The following PTCHD4 variants were observed in gnomAD, a reference collection of about 807,000 sequenced individuals.
PTCHD4 encodes patched domain containing 4, also known as patched domain-containing protein 4.
PTCHD4 carries 33 observed loss-of-function variants against 58.1 expected under a neutral mutation model. The ratio of observed to expected loss-of-function variants is 0.57; its 90% CI spans 0.43 to 0.76. The LOEUF (loss-of-function observed/expected upper bound fraction) is 0.76, where lower values mean the gene tolerates loss of function less well. Ranked by LOEUF, PTCHD4 falls within the 30% of genes least tolerant of loss-of-function variation. The pLI, the probability that PTCHD4 is intolerant of heterozygous loss-of-function variation, is 0.00. For synonymous variants in PTCHD4, 478 were observed against 409.6 expected (o/e 1.17, Z -2.02); for missense variants, 1,058 against 1,027.1 (o/e 1.03, Z -0.41).
At chr6:48,105,910 A>T (rs181898128) in intron 1 of PTCHD4, among the ~76,000 whole-genome samples, 1 of 152,210 alleles carries the variant, frequency 6.6e-6, no homozygotes, top group South Asian at 2.1e-4. Context: ...GAAGAAGTTG[A>T]ATCTCTGAAG....
chr6:48,036,770 CT>C (rs1763652860), intron 3 of PTCHD4, among the ~76,000 whole-genome samples: 2 of 152,080 alleles, frequency 1.3e-5, no homozygotes, highest in African/African-American at 4.8e-5. Flanking sequence ...ATGCTAAGGT[CT>C]CTAAGATCTA....
chr6:48,069,178 GC>G lies in PTCHD4; in HGVS notation c.-222del, dbSNP rs1764919194. 8.3e-6 allele frequency among the ~76,000 whole-genome samples: 1 copy of G among 121,182 alleles called. No homozygotes were observed. Among genetic ancestry groups the G allele is most frequent in the African/African-American group, 3.2e-5 (1 of 31,628 alleles). The allele number at this position is 121,182 out of a possible 152,430, so 79.5% of individuals were successfully genotyped here. On this transcript the variant is annotated 5_prime_UTR_variant, in exon 2 of 5. An upstream open reading frame in the 5' UTR loses its in-frame stop. Coordinates refer to ENST00000339488, the MANE Select transcript of PTCHD4 (RefSeq NM_001384253.1). ...TGAGGGGGGGAGAGGAGGGAGAAGG[GC>G]GGGAGCACGTTGGGGGTGGGGGGGC...
At chr6:48,049,286 C>T (rs1406831103) in intron 3 of PTCHD4, among the ~76,000 whole-genome samples, 1 of 151,462 alleles carries the variant, frequency 6.6e-6, no homozygotes, top group Non-Finnish European at 1.5e-5. Flanking sequence ...AATCATCTGG[C>T]CCCAAATAGT....
intron 3 of PTCHD4, among the ~76,000 whole-genome samples, chr6:48,043,425 G>GT (rs967591218): frequency 2.9e-4 from 44 of 151,574 alleles, no homozygotes; most frequent in Non-Finnish European, 5.9e-5. Context: ...GAAAGGCAGC[G>GT]TTTTTTTGAC....
At chr6:48,036,357 A>T (rs575039119) in intron 3 of PTCHD4, among the ~76,000 whole-genome samples, 11 of 152,238 alleles carry the variant, frequency 7.2e-5, no homozygotes, top group African/African-American at 2.4e-4. Flanking sequence ...ACAGTTTCAC[A>T]TTGTGCAGTT....
intron 1 of PTCHD4, among the ~76,000 whole-genome samples, chr6:48,096,576 C>T (rs985384540): frequency 2.0e-5 from 3 of 148,298 alleles, no homozygotes; most frequent in African/African-American, 5.0e-5. Context: ...GGTGCCACTG[C>T]ACTCCAGCCT....
chr6:47,919,926 A>C (rs909665877), intron 4 of PTCHD4, among the ~76,000 whole-genome samples: 3 of 152,080 alleles, frequency 2.0e-5, no homozygotes, highest in Admixed American at 2.0e-4. Context: ...GTGGGTGGAA[A>C]TGAGGGAGGC....
chr6:48,106,888 T>C (rs1765739339), intron 1 of PTCHD4, among the ~76,000 whole-genome samples: 1 of 152,076 alleles, frequency 6.6e-6, no homozygotes, highest in African/African-American at 2.4e-5. Flanking sequence ...GAATCCAACT[T>C]ACAAGGGGCA....
At chr6:48,005,344 C>T (rs1762393855) in intron 4 of PTCHD4, among the ~76,000 whole-genome samples, 1 of 152,122 alleles carries the variant, frequency 6.6e-6, no homozygotes, top group Non-Finnish European at 1.5e-5. Context: ...TAAATATTCA[C>T]TATCTCAAAG....
At chr6:48,037,330 A>G (rs1297636312) in intron 3 of PTCHD4, among the ~76,000 whole-genome samples, 1 of 152,186 alleles carries the variant, frequency 6.6e-6, no homozygotes, top group Non-Finnish European at 1.5e-5. Flanking sequence ...AAAAAACAGT[A>G]TATACAGGGT....
Position 47,945,096 on chromosome 6 carries a change from T to C in PTCHD4, c.898+63538A>G, listed in dbSNP as rs73736812. Among the ~76,000 whole-genome samples the C allele has an allele frequency of 7.5e-3, 1,146 of 152,182 alleles. 7 individuals carry two copies. Among genetic ancestry groups the C allele is most frequent in the Middle Eastern group, 0.024 (7 of 294 alleles). On this transcript the variant is annotated intron_variant, in intron 4 of 4. Coordinates refer to ENST00000339488, the MANE Select transcript of PTCHD4 (RefSeq NM_001384253.1). ...CAAAGCAATGACATACGATGGGTAA[T>C]TGGCAAGGAATAATGTGTTTGCCAT...
At position 47,879,443 on chromosome 6, in the gene PTCHD4, A is replaced by G. The variant is rs3799276; in HGVS notation, c.1392T>C (p.Val464=). 1,206,507 of 1,613,272 alleles carry G rather than the reference A, an allele frequency of 0.75. 452,402 individuals carry two copies. Among genetic ancestry groups the G allele is most frequent in the Admixed American group, 0.86 (51,486 of 59,898 alleles). The change falls in exon 5 of 5, where the codon GTT becomes GTC. Residue 464 remains valine (V), a synonymous_variant. Coordinates refer to ENST00000339488, the MANE Select transcript of PTCHD4 (RefSeq NM_001384253.1). The part of the protein sequence containing the change: ...WITNIYVKPF[V]VILYLIYASF... ...AGGCATAAATGAGATAGAGGATGAC[A>G]ACAAATGGCTTCACATATATATTGG...
chr6:48,109,110 A>T (rs1212772539), intron 1 of PTCHD4, among the ~76,000 whole-genome samples: 3 of 152,160 alleles, frequency 2.0e-5, no homozygotes, highest in Admixed American at 1.3e-4. Context: ...AAACAACTAA[A>T]AAAACTTCAA....
Position 47,875,996 on chromosome 6 carries a change from A to G in PTCHD4, c.*2307T>C, listed in dbSNP as rs1166948353. Among the ~76,000 whole-genome samples, 1 of 151,764 alleles carries G rather than the reference A, an allele frequency of 6.6e-6. No individual in the cohort carries two copies. Among genetic ancestry groups the G allele is most frequent in the African/African-American group, 2.4e-5 (1 of 41,372 alleles). ...TATCTCCCATATTTTGATATGGGAG[A>G]TAAAAATCTTCCATATCAAATCTTT... On this transcript the variant is annotated 3_prime_UTR_variant, in exon 5 of 5. Coordinates refer to ENST00000339488, the MANE Select transcript of PTCHD4 (RefSeq NM_001384253.1).
chr6:47,878,328 T>C lies in PTCHD4; in HGVS notation c.2507A>G (p.Asn836Ser), dbSNP rs1399284080. ...EEIECIEIQE[N>S]PDHVTTV is the part of the protein sequence containing the mutation. ...TCATACTGTGGTGACGTGATCCGGG[T>C]TCTCTTGAATTTCTATGCATTCAAT... The change falls in exon 5 of 5, where the codon AAC becomes AGC. Residue 836 changes from asparagine (N) to serine (S), a missense_variant. Physicochemically the swap from Asn to Ser is conservative, Grantham distance 46 (BLOSUM62 1). Coordinates refer to ENST00000339488, the MANE Select transcript of PTCHD4 (RefSeq NM_001384253.1). 2 of 1,602,928 alleles carry C rather than the reference T, an allele frequency of 1.2e-6. No homozygotes were observed. Among genetic ancestry groups the C allele is most frequent in the African/African-American group, 2.7e-5 (2 of 74,278 alleles).
chr6:47,968,440 A>G lies in PTCHD4; in HGVS notation c.898+40194T>C, dbSNP rs147307103. ...AATTATAACACAGATACATGAAATGAACACGTGCTTTTGGAAAAATGGCAC... is the reference window on the plus strand; with the variant it reads ...AATTATAACACAGATACATGAAATGGACACGTGCTTTTGGAAAAATGGCAC... On this transcript the variant is annotated intron_variant, in intron 4 of 4. Coordinates refer to ENST00000339488, the MANE Select transcript of PTCHD4 (RefSeq NM_001384253.1). Among the ~76,000 whole-genome samples the G allele has an allele frequency of 2.9e-3, 442 of 152,242 alleles. 1 individual carries two copies. The highest frequency in any genetic ancestry group is 0.01 in the African/African-American group (422 of 41,552).
At chr6:47,918,837 A>G (rs1355222477) in intron 4 of PTCHD4, among the ~76,000 whole-genome samples, 1 of 152,142 alleles carries the variant, frequency 6.6e-6, no homozygotes, top group African/African-American at 2.4e-5. Flanking sequence ...TGCTAGGTGT[A>G]ATCACATGAC....
intron 3 of PTCHD4, among the ~76,000 whole-genome samples, chr6:48,036,936 T>G (rs1002937480): frequency 2.0e-5 from 3 of 152,154 alleles, no homozygotes; most frequent in Non-Finnish European, 4.4e-5. Context: ...GTGGAAGACA[T>G]GAACAGAAAA....
chr6:48,078,884 G>A (rs1357429900), intron 1 of PTCHD4, among the ~76,000 whole-genome samples: 1 of 151,978 alleles, frequency 6.6e-6, no homozygotes, highest in South Asian at 2.1e-4. Flanking sequence ...TTTGGGAGGC[G>A]GAGGCGGGCG....
Sources: allele counts gnomAD v4.1 joint callset (sites outside exome capture counted in the v4.1 genomes callset), GRCh38; gene constraint gnomAD v4.1.1; transcripts MANE v1.5; gene names NCBI Gene and HGNC (gene_info 2026-07-23, HGNC 2026-07-21).